The following MEGF11 variants were observed in gnomAD, a reference collection of about 807,000 sequenced individuals.
MEGF11 encodes multiple EGF like domains 11, also known as multiple epidermal growth factor-like domains protein 11.
In MEGF11, 126 loss-of-function variants were observed where a neutral mutation model predicts 146.6. The ratio of observed to expected loss-of-function variants is 0.86; its 90% CI spans 0.74 to 1.00. The LOEUF (loss-of-function observed/expected upper bound fraction) is 1.00. Ranked by LOEUF, MEGF11 falls within the 50% of genes least tolerant of loss-of-function variation. The pLI is 0.00. For synonymous variants in MEGF11, 532 were observed against 583.4 expected (o/e 0.91, Z 1.27); for missense variants, 1,509 against 1,521.2 (o/e 0.99, Z 0.13).
intron 24 of MEGF11, chr15:65,901,995 C>G (rs1284525538): frequency 6.6e-6 from 1 of 152,146 alleles, no homozygotes; most frequent in African/African-American, 2.4e-5. Flanking sequence ...GTCTTGTTAT[C>G]CAGGGCTCCT....
intron 4 of MEGF11, among the ~76,000 whole-genome samples, chr15:66,112,457 G>A (rs1041728201): frequency 1.3e-5 from 2 of 152,122 alleles, no homozygotes; most frequent in African/African-American, 4.8e-5. Context: ...GAGAGATAAA[G>A]AGACTGAAAA....
At chr15:65,933,633 A>C (rs1189991812) in intron 10 of MEGF11, among the ~76,000 whole-genome samples, 1 of 152,206 alleles carries the variant, frequency 6.6e-6, no homozygotes, top group African/African-American at 2.4e-5. Flanking sequence ...CCAGAGAAGA[A>C]AAGGGAGACT....
intron 1 of MEGF11, 52 bp from the exon 2 acceptor site, chr15:66,128,463 C>A: frequency 7.2e-6 from 8 of 1,107,276 alleles, no homozygotes; most frequent in Non-Finnish European, 9.7e-6. Flanking sequence ...ATGTTCCTGG[C>A]AACTACTTAG....
At chr15:66,134,731 AGGGAGCCCTCGAGAATCCCT>A (rs1387716111) in intron 1 of MEGF11, among the ~76,000 whole-genome samples, 1 of 152,224 alleles carries the variant, frequency 6.6e-6, no homozygotes, top group Non-Finnish European at 1.5e-5. Context: ...GCGCTGAGGG[AGGGAGCCCTCGAGAATCCCT>A]GGAAGGCCAA....
At chr15:66,210,290 A>C (rs574064524) in intron 1 of MEGF11, among the ~76,000 whole-genome samples, 2 of 152,328 alleles carry the variant, frequency 1.3e-5, no homozygotes, top group South Asian at 4.1e-4. Flanking sequence ...TAACTCAAAC[A>C]AATGTAAAGA....
At chr15:66,073,164 C>G (rs1240100612) in intron 5 of MEGF11, among the ~76,000 whole-genome samples, 1 of 152,220 alleles carries the variant, frequency 6.6e-6, no homozygotes, top group Non-Finnish European at 1.5e-5. Context: ...GCCTCGCCAG[C>G]CTGAGATGAA....
intron 24 of MEGF11, among the ~76,000 whole-genome samples, chr15:65,903,062 C>T (rs1203864136): frequency 6.6e-6 from 1 of 152,138 alleles, no homozygotes; most frequent in African/African-American, 2.4e-5. Context: ...CTTCCTGGGC[C>T]ATAAATTAGC....
At chr15:66,043,085 C>A (rs533939471) in intron 5 of MEGF11, among the ~76,000 whole-genome samples, 1 of 152,364 alleles carries the variant, frequency 6.6e-6, no homozygotes, top group South Asian at 2.1e-4. Context: ...CGGGCTGGGG[C>A]CATGGCTGTT....
chr15:65,965,232 C>T, intron 8 of MEGF11, 112 bp from the exon 9 acceptor site: 1 of 797,250 alleles, frequency 1.3e-6, no homozygotes, highest in East Asian at 2.8e-5. Context: ...TGGTGTGCTC[C>T]ACGCTGCTCA....
rs1372751062 is a variant in MEGF11, at chr15:66,154,892, C to T, written c.-8-26481G>A. 2.0e-5 allele frequency among the ~76,000 whole-genome samples: 3 copies of T among 152,226 alleles called. No homozygotes were observed. In the East Asian group the frequency reaches 5.8e-4, roughly 29 times the overall value. Reference sequence around the variant, plus strand: ...ATATTCAAGTGTTTCAATATTTGCACAACCTTCACACATGCGCCTTCCTAC... The same window carrying T: ...ATATTCAAGTGTTTCAATATTTGCATAACCTTCACACATGCGCCTTCCTAC... On this transcript the variant is annotated intron_variant, in intron 1 of 25. Transcript: ENST00000395614.
intron 2 of MEGF11, among the ~76,000 whole-genome samples, chr15:66,125,546 A>C (rs1313757747): frequency 6.6e-6 from 1 of 152,198 alleles, no homozygotes; most frequent in Non-Finnish European, 1.5e-5. Context: ...GACTCATATA[A>C]GCCTCTGTCT....
At chr15:65,912,662 T>C (rs1471724655) in intron 20 of MEGF11, among the ~76,000 whole-genome samples, 5 of 152,146 alleles carry the variant, frequency 3.3e-5, no homozygotes, top group Non-Finnish European at 7.4e-5. Context: ...AGGAATGGCA[T>C]AGGAAACCCT....
At position 65,985,203 on chromosome 15, in the gene MEGF11, G is replaced by A. The variant is rs115103856; in HGVS notation, c.395-2715C>T. 2.8e-3 allele frequency among the ~76,000 whole-genome samples: 426 copies of A among 152,258 alleles called. 2 individuals are homozygous for A. Among genetic ancestry groups the A allele is most frequent in the African/African-American group, 9.9e-3 (413 of 41,534 alleles). On this transcript the variant is annotated intron_variant, in intron 5 of 25. Coordinates refer to ENST00000395614, the MANE Select transcript of MEGF11 (RefSeq NM_001385028.1). ...TTTTCCCATTTGACGGAGAATACACGGTCAGAGAAGTTAAGTGATTACCTG... is the reference window on the plus strand; with the variant it reads ...TTTTCCCATTTGACGGAGAATACACAGTCAGAGAAGTTAAGTGATTACCTG...
intron 4 of MEGF11, among the ~76,000 whole-genome samples, chr15:66,099,905 G>C (rs1276896953): frequency 2.0e-5 from 3 of 152,066 alleles, no homozygotes; most frequent in African/African-American, 7.2e-5. Flanking sequence ...GACTGGGAGT[G>C]GGGAAGGAGA....
intron 1 of MEGF11, among the ~76,000 whole-genome samples, chr15:66,150,173 C>T (rs561849760): frequency 2.2e-3 from 340 of 152,336 alleles, no homozygotes; most frequent in Middle Eastern, 3.4e-3. Flanking sequence ...TGTGGTCCCT[C>T]CAGCCCCCGA....
chr15:66,119,255 G>A (rs2087894811), intron 3 of MEGF11, 69 bp from the exon 4 acceptor site: 6 of 1,125,144 alleles, frequency 5.3e-6, no homozygotes, highest in East Asian at 2.6e-5. Context: ...AATGATATTT[G>A]TGTTAAGCTA....
rs1428533327 is a variant in MEGF11, at chr15:66,192,475, TAAAATAAAATA to T, written c.-9+61119_-9+61129del. 4.1e-4 allele frequency among the ~76,000 whole-genome samples: 8 copies of T among 19,460 alleles called. No individual in the cohort carries two copies. In the African/African-American group the frequency reaches 8.5e-3, roughly 21 times the overall value. 12.8% of individuals were successfully genotyped at this position (19,460 alleles called of 152,430 possible). Reference sequence around the variant, plus strand: ...ACAGAGCAAGACTCCATCTCAAAAATAAAATAAAATAAAATAAAATAAAATAAAATAAAATA... The same window carrying T: ...ACAGAGCAAGACTCCATCTCAAAAATAAATAAAATAAAATAAAATAAAATA... On this transcript the variant is annotated intron_variant, in intron 1 of 25. Coordinates refer to ENST00000395614, the MANE Select transcript of MEGF11 (RefSeq NM_001385028.1).
chr15:66,054,689 T>C (rs2084608639), intron 5 of MEGF11, among the ~76,000 whole-genome samples: 1 of 152,170 alleles, frequency 6.6e-6, no homozygotes, highest in South Asian at 2.1e-4. Context: ...ATAATGGAAT[T>C]AGGGCCTTAC....
intron 5 of MEGF11, among the ~76,000 whole-genome samples, chr15:66,022,762 G>A (rs536257524): frequency 6.6e-6 from 1 of 151,860 alleles, no homozygotes; most frequent in African/African-American, 2.4e-5. Flanking sequence ...CCTGGGGTTG[G>A]GGGTGGAGGG....
Sources: allele counts gnomAD v4.1 joint callset (sites outside exome capture counted in the v4.1 genomes callset), GRCh38; gene constraint gnomAD v4.1.1; transcripts MANE v1.5; gene names NCBI Gene and HGNC (gene_info 2026-07-23, HGNC 2026-07-21).